The following MPHOSPH6 variants were observed in gnomAD, a reference collection of about 807,000 sequenced individuals.
MPHOSPH6 encodes M-phase phosphoprotein 6.
MPHOSPH6 carries 25 observed loss-of-function variants against 21.8 expected under a neutral mutation model. The ratio of observed to expected loss-of-function variants is 1.15; its 90% CI spans 0.83 to 1.60. The LOEUF is 1.60. Among genes scored for constraint, MPHOSPH6 ranks in the 40% most tolerant of loss-of-function variants. The pLI, the probability that MPHOSPH6 is intolerant of heterozygous loss-of-function variation, is 0.00. For missense variants in MPHOSPH6, 269 were observed against 181.8 expected (o/e 1.48, Z -2.76); for synonymous variants, 84 against 56.5 (o/e 1.49, Z -2.18).
intron 2 of MPHOSPH6, among the ~76,000 whole-genome samples, chr16:82,153,894 C>A (rs1906346923): frequency 6.6e-6 from 1 of 152,142 alleles, no homozygotes; most frequent in Non-Finnish European, 1.5e-5. Flanking sequence ...GAAGCTTCCA[C>A]GGTTACAAGG....
At chr16:82,151,912 T>C (rs956598423) in intron 2 of MPHOSPH6, among the ~76,000 whole-genome samples, 3 of 152,224 alleles carry the variant, frequency 2.0e-5, no homozygotes, top group East Asian at 1.9e-4. Context: ...ACACATACAG[T>C]ATACAGTGAC....
intron 2 of MPHOSPH6, among the ~76,000 whole-genome samples, chr16:82,154,376 A>C (rs1003531203): frequency 6.6e-6 from 1 of 152,232 alleles, no homozygotes. Flanking sequence ...AAGAAAAATA[A>C]CAAAATCCAG....
At chr16:82,157,818 G>A (rs1020887791) in intron 2 of MPHOSPH6, among the ~76,000 whole-genome samples, 1 of 152,192 alleles carries the variant, frequency 6.6e-6, no homozygotes, top group South Asian at 2.1e-4. Flanking sequence ...CCATAAGTGG[G>A]GGCCCTGAGA....
In MPHOSPH6 at chr16:82,170,206, C is replaced by G. The variant is rs1280239831; in HGVS notation, c.-31G>C. Reference sequence around the variant, plus strand: ...CTTCCGCCCAGCGCCGCACTCCGGCCGCGAGCCTCACCGCACATGCGCGGA... The same window carrying G: ...CTTCCGCCCAGCGCCGCACTCCGGCGGCGAGCCTCACCGCACATGCGCGGA... On this transcript the variant is annotated 5_prime_UTR_variant, in exon 1 of 5. Coordinates refer to ENST00000258169, the MANE Select transcript of MPHOSPH6 (RefSeq NM_005792.2). 2 of 1,555,486 alleles carry G rather than the reference C, an allele frequency of 1.3e-6. No homozygotes were observed. The highest frequency in any genetic ancestry group is 2.6e-5 in the East Asian group (1 of 38,694).
At position 82,148,816 on chromosome 16, in the gene MPHOSPH6, C is replaced by G; in HGVS notation, c.398G>C (p.Arg133Thr). ...GTIGKKFARK[R>T]DHANYEEDEN... ...ATCTTCTTCATAATTGGCATGGTCT[C>G]TCTTTCTGGCAAACTTTTTCCCAAT... The change falls in exon 5 of 5, where the codon AGA becomes ACA. Residue 133 changes from arginine to threonine, a missense_variant. By Grantham distance (71) the Arg-to-Thr change is moderately conservative (BLOSUM62 -1). Transcript: ENST00000258169. The G allele has an allele frequency of 1.2e-6, 2 of 1,614,154 alleles. No individual in the cohort carries two copies. Among genetic ancestry groups the G allele is most frequent in the Non-Finnish European group, 1.7e-6 (2 of 1,180,012 alleles).
intron 3 of MPHOSPH6, among the ~76,000 whole-genome samples, chr16:82,150,759 T>C (rs1451401001): frequency 6.6e-6 from 1 of 152,220 alleles, no homozygotes. Flanking sequence ...ATGTTAACAC[T>C]GCCAAGGGCA....
chr16:82,163,127 T>A (rs1022411892), intron 2 of MPHOSPH6, among the ~76,000 whole-genome samples: 2 of 152,156 alleles, frequency 1.3e-5, no homozygotes, highest in East Asian at 3.8e-4. Context: ...TATCTAACCT[T>A]CAAACAATGT....
chr16:82,167,752 G>C (rs569489547), intron 1 of MPHOSPH6, among the ~76,000 whole-genome samples: 65 of 152,304 alleles, frequency 4.3e-4, no homozygotes, highest in African/African-American at 1.2e-3. Flanking sequence ...GCGGAGCTCA[G>C]GTGGTAATGC....
chr16:82,169,395 G>C (rs901531563), intron 1 of MPHOSPH6, among the ~76,000 whole-genome samples: 10 of 152,106 alleles, frequency 6.6e-5, no homozygotes, highest in Non-Finnish European at 2.9e-5. Context: ...CAGTAACCTA[G>C]AGACTACCCT....
At chr16:82,166,315 C>A (rs1246110919) in intron 1 of MPHOSPH6, among the ~76,000 whole-genome samples, 1 of 152,238 alleles carries the variant, frequency 6.6e-6, no homozygotes, top group East Asian at 1.9e-4. Context: ...CAGGAAAGAA[C>A]TGCAGTTTCT....
At chr16:82,152,874 G>A (rs1167221983) in intron 2 of MPHOSPH6, among the ~76,000 whole-genome samples, 1 of 152,222 alleles carries the variant, frequency 6.6e-6, no homozygotes, top group Non-Finnish European at 1.5e-5. Context: ...GTTTGCCGGA[G>A]TAGGCTCTGA....
At position 82,148,808 on chromosome 16, in the gene MPHOSPH6, C is replaced by T. The variant is rs201231939; in HGVS notation, c.406G>A (p.Ala136Thr). 6.2e-6 allele frequency: 10 copies of T among 1,614,120 alleles called. No individual in the cohort carries two copies. In the East Asian group the frequency reaches 1.8e-4, roughly 29 times the overall value. The change falls in exon 5 of 5, where the codon GCC becomes ACC. Residue 136 changes from alanine (A) to threonine (T), a missense_variant. By Grantham distance (58) the Ala-to-Thr change is moderately conservative. Coordinates refer to ENST00000258169, the MANE Select transcript of MPHOSPH6 (RefSeq NM_005792.2). Reference protein sequence around the residue: ...GKKFARKRDHANYEEDENGDI... With the variant: ...GKKFARKRDHTNYEEDENGDI... ...CCATTTTCATCTTCTTCATAATTGG[C>T]ATGGTCTCTCTTTCTGGCAAACTTT...
intron 2 of MPHOSPH6, among the ~76,000 whole-genome samples, chr16:82,152,500 A>G (rs1268491188): frequency 1.3e-5 from 2 of 152,128 alleles, no homozygotes; most frequent in Non-Finnish European, 2.9e-5. Flanking sequence ...CCCCTTGTAG[A>G]TATCAAAATC....
At chr16:82,159,119 T>G (rs1467319849) in intron 2 of MPHOSPH6, among the ~76,000 whole-genome samples, 1 of 152,198 alleles carries the variant, frequency 6.6e-6, no homozygotes, top group African/African-American at 2.4e-5. Flanking sequence ...CTGTATCACC[T>G]GTGTGAGGGG....
At chr16:82,163,380 C>T (rs776204969) in intron 2 of MPHOSPH6, among the ~76,000 whole-genome samples, 10 of 152,180 alleles carry the variant, frequency 6.6e-5, no homozygotes, top group Non-Finnish European at 1.0e-4. Flanking sequence ...AAATCCAACA[C>T]TCCTTCATTC....
At chr16:82,162,196 A>G (rs1597163939) in intron 2 of MPHOSPH6, 1 of 152,242 alleles carries the variant, frequency 6.6e-6, no homozygotes, top group African/African-American at 2.4e-5. Context: ...GACACAAAAC[A>G]GGTTAAGTAA....
At chr16:82,149,197 T>G in intron 4 of MPHOSPH6, 112 bp downstream of exon 4, 1 of 1,121,804 alleles carries the variant, frequency 8.9e-7, no homozygotes, top group Non-Finnish European at 1.3e-6. Context: ...GTCATCGTCC[T>G]ACTGGGGGAC....
chr16:82,156,052 G>C (rs1419716613), intron 2 of MPHOSPH6, among the ~76,000 whole-genome samples: 1 of 152,100 alleles, frequency 6.6e-6, no homozygotes, highest in African/African-American at 2.4e-5. Context: ...GAAGAAAACA[G>C]AAAATATCTT....
intron 3 of MPHOSPH6, among the ~76,000 whole-genome samples, chr16:82,150,493 C>A (rs1906230136): frequency 6.6e-6 from 1 of 152,164 alleles, no homozygotes; most frequent in African/African-American, 2.4e-5. Context: ...GGAAAACTAA[C>A]CTAGAATCTT....
Sources: gnomAD v4.1 joint callset for allele counts (sites outside exome capture counted in the v4.1 genomes callset) on GRCh38, gnomAD v4.1.1 for gene constraint, MANE v1.5 for transcripts, NCBI Gene and HGNC (gene_info 2026-07-23, HGNC 2026-07-21) for gene names.